RHOXF1: variants seen among roughly 807,000 people sequenced by gnomAD.
RHOXF1 encodes Rhox homeobox family member 1, also known as PEPP subfamily gene 1.
In RHOXF1, 1 loss-of-function variant was observed where a neutral mutation model predicts 9.7. The ratio of observed to expected loss-of-function variants is 0.10; its 90% CI spans 0.04 to 0.49. The LOEUF is 0.49. Ranked by LOEUF, RHOXF1 falls within the 20% of genes least tolerant of loss-of-function variation. The pLI, the probability that RHOXF1 is intolerant of heterozygous loss-of-function variation, is 0.95. For synonymous variants in RHOXF1, 72 were observed against 70.2 expected (o/e 1.03, Z -0.13); for missense variants, 179 against 168.0 (o/e 1.07, Z -0.36).
At chrX:120,112,592 T>C (rs1691840179) in intron 2 of RHOXF1, among the ~76,000 whole-genome samples, 1 of 98,612 alleles carries the variant, frequency 1.0e-5, no homozygotes, top group Non-Finnish European at 2.1e-5. Context: ...TTTAATTTTG[T>C]ATACAGATTA....
At chrX:120,117,728 G>C (rs1485805377), upstream of RHOXF1, 1 of 110,950 alleles carries the variant, frequency 9.0e-6, no homozygotes, top group African/African-American at 3.3e-5. Context: ...AGAAGAGAGA[G>C]GAAGAAGAAG....
Position 120,115,619 on chromosome X carries a change from G to T in RHOXF1, c.244C>A (p.Gln82Lys). The part of the protein sequence containing the change: ...GGNQEPRQQP[Q>K]PPPEEPAQAA... ...TGGGCCGGCTCCTCCGGCGGGGGCT[G>T]CGGCTGCTGCCGAGGCTCCTGGTTT... Residue 82 changes from glutamine to lysine, a missense_variant, in exon 1 of 3, where the codon CAG becomes AAG. Gln to Lys is a moderately conservative substitution (Grantham distance 53). Coordinates refer to ENST00000217999, the MANE Select transcript of RHOXF1 (RefSeq NM_139282.3). The T allele has an allele frequency of 8.5e-7, 1 of 1,170,540 alleles. No homozygotes were observed.
chrX:120,111,783 T>C (rs2057265984), intron 2 of RHOXF1, among the ~76,000 whole-genome samples: 1 of 112,131 alleles, frequency 8.9e-6, no homozygotes, highest in African/African-American at 3.2e-5. Flanking sequence ...GTATAGTACA[T>C]GCATAGTATG....
chrX:120,112,837 T>G, intron 2 of RHOXF1, 32 bp downstream of exon 2: 1 of 1,116,850 alleles, frequency 9.0e-7, no homozygotes, highest in Non-Finnish European at 1.2e-6. Flanking sequence ...AGAATGGCTG[T>G]CCTCTCAAAT....
At chrX:120,110,198 G>C (rs1431458748) in intron 2 of RHOXF1, among the ~76,000 whole-genome samples, 4 of 111,724 alleles carry the variant, frequency 3.6e-5, no homozygotes, top group African/African-American at 1.3e-4. Context: ...TGGAATTTTA[G>C]ACAGGTTTCC....
intron 2 of RHOXF1, among the ~76,000 whole-genome samples, chrX:120,109,784 T>G (rs984472896): frequency 1.8e-5 from 2 of 110,620 alleles, no homozygotes; most frequent in Non-Finnish European, 3.8e-5. Flanking sequence ...AGGGTCTCGC[T>G]ATGTTGCCCA....
chrX:120,116,568 G>A (rs1291587273), upstream of RHOXF1: 2 of 110,658 alleles, frequency 1.8e-5, no homozygotes, highest in Admixed American at 9.6e-5. Flanking sequence ...CTCATGGCCT[G>A]ACCCTCCATA....
rs782783073 is a variant in RHOXF1 at position 120,115,649 on chromosome X, C to T, written c.214G>A (p.Gly72Ser). The T allele has an allele frequency of 8.4e-6, 10 of 1,188,561 alleles. No individual in the cohort carries two copies. Among genetic ancestry groups the T allele is most frequent in the Admixed American group, 2.3e-5 (1 of 43,873 alleles). Residue 72 changes from glycine to serine, a missense_variant, in exon 1 of 3, where the codon GGT becomes AGT. Physicochemically the swap from Gly to Ser is moderately conservative, Grantham distance 56. Transcript: ENST00000217999. ...TGCTGCCGAGGCTCCTGGTTTCCAC[C>T]GCCGCCCTCGGGGATCATGCCGCCA... ...RDGGMIPEGG[G>S]GNQEPRQQPQ...
chrX:120,118,050 A>G (rs1434216202), upstream of RHOXF1: 2 of 112,647 alleles, frequency 1.8e-5, no homozygotes, highest in Non-Finnish European at 3.7e-5. Context: ...GACGTCTGGT[A>G]GAAAGAAAGT....
At chrX:120,120,037 T>C (rs1261521863), upstream of RHOXF1, among the ~76,000 whole-genome samples, 3 of 111,355 alleles carry the variant, frequency 2.7e-5, no homozygotes, top group Non-Finnish European at 5.6e-5. Flanking sequence ...AATATCATAG[T>C]ATGTTACCAA....
chrX:120,112,435 A>ATATG (rs1555999891), intron 2 of RHOXF1, among the ~76,000 whole-genome samples: 1 of 1,118 alleles, frequency 8.9e-4, no homozygotes, highest in South Asian at 0.1. Flanking sequence ...TAATACACAT[A>ATATG]TATTATATAT....
chrX:120,110,991 G>A (rs2057262494), intron 2 of RHOXF1, among the ~76,000 whole-genome samples: 1 of 111,850 alleles, frequency 8.9e-6, no homozygotes, highest in Non-Finnish European at 1.9e-5. Flanking sequence ...CTGATACTAG[G>A]TCTGCATTCC....
At chrX:120,109,575 T>A (rs553216469) in intron 2 of RHOXF1, among the ~76,000 whole-genome samples, 122 of 105,905 alleles carry the variant, frequency 1.2e-3, no homozygotes, top group Non-Finnish European at 1.6e-3. Context: ...TTATTTATTA[T>A]TTATTTATTT....
At chrX:120,109,571 A>ATTTAT (rs1555999514) in intron 2 of RHOXF1, among the ~76,000 whole-genome samples, 36 of 107,243 alleles carry the variant, frequency 3.4e-4, no homozygotes, top group African/African-American at 3.5e-4. Context: ...TTATTTATTT[A>ATTTAT]TTATTTATTT....
intron 1 of RHOXF1, among the ~76,000 whole-genome samples, chrX:120,114,393 A>G (rs1394633523): frequency 2.7e-5 from 3 of 111,366 alleles, no homozygotes; most frequent in Non-Finnish European, 5.7e-5. Flanking sequence ...AAAACAGGCC[A>G]TCATCACAGG....
chrX:120,118,673 A>T (rs548583234), upstream of RHOXF1, among the ~76,000 whole-genome samples: 3 of 111,009 alleles, frequency 2.7e-5, no homozygotes, highest in South Asian at 1.2e-3. Context: ...TAAACCTGGG[A>T]TATTGCATTA....
chrX:120,110,836 T>C (rs1198295235), intron 2 of RHOXF1, among the ~76,000 whole-genome samples: 3 of 112,078 alleles, frequency 2.7e-5, no homozygotes, highest in Admixed American at 9.5e-5. Flanking sequence ...TTTTTCACTT[T>C]CCCAGTTAAG....
intron 2 of RHOXF1, among the ~76,000 whole-genome samples, chrX:120,112,390 ATATGTATGAT>A (rs2057268674): frequency 1.0e-5 from 1 of 97,678 alleles, no homozygotes; most frequent in Non-Finnish European, 2.0e-5. Flanking sequence ...ATATATGTAT[ATATGTATGAT>A]ATATATACAT....
chrX:120,117,147 T>A (rs1289859505), upstream of RHOXF1, among the ~76,000 whole-genome samples: 3 of 111,202 alleles, frequency 2.7e-5, no homozygotes, highest in Admixed American at 9.5e-5. Flanking sequence ...TCCCAGCTAC[T>A]CAGGAGGCTG....
Sources: gnomAD v4.1 joint callset for allele counts (sites outside exome capture counted in the v4.1 genomes callset) on GRCh38, gnomAD v4.1.1 for gene constraint, MANE v1.5 for transcripts, NCBI Gene and HGNC (gene_info 2026-07-23, HGNC 2026-07-21) for gene names.